Variants in UBE4B observed in about 807,000 individuals in gnomAD.
UBE4B encodes ubiquitination factor E4B.
In UBE4B, 27 loss-of-function variants were observed where a neutral mutation model predicts 148.1. The ratio of observed to expected loss-of-function variants is 0.18; its 90% CI spans 0.13 to 0.25. The LOEUF is 0.25. Ranked by LOEUF, UBE4B falls within the 10% of genes least tolerant of loss-of-function variation. The pLI is 1.00. For missense variants in UBE4B, 1,170 were observed against 1,662.4 expected (o/e 0.70, Z 5.15); for synonymous variants, 596 against 619.3 (o/e 0.96, Z 0.56).
At chr1:10,172,763 GGGAAGTGGTCTTAACAAAGGATTTGCAGT>G in intron 25 of UBE4B, among the ~76,000 whole-genome samples, 1 of 152,034 alleles carries the variant, frequency 6.6e-6, no homozygotes, top group East Asian at 1.9e-4. Context: ...GATGTAGCAG[GGGAAGTGGTCTTAACAAAGGATTTGCAGT>G]GAAAAAATAC....
At chr1:10,131,809 T>C (rs868814070) in intron 14 of UBE4B, among the ~76,000 whole-genome samples, 7 of 152,026 alleles carry the variant, frequency 4.6e-5, no homozygotes, top group Non-Finnish European at 5.9e-5. Flanking sequence ...AAAAATTAGC[T>C]GGGCATGGTG....
At chr1:10,117,059 G>A (rs1006754260) in intron 7 of UBE4B, among the ~76,000 whole-genome samples, 2 of 152,190 alleles carry the variant, frequency 1.3e-5, no homozygotes, top group Admixed American at 1.3e-4. Flanking sequence ...TATTTTGTCA[G>A]TCCCTTATAA....
intron 1 of UBE4B, among the ~76,000 whole-genome samples, chr1:10,038,186 AGGAGAATTGCTTGAACCC>A (rs1037937203): frequency 6.6e-6 from 1 of 151,900 alleles, no homozygotes; most frequent in Non-Finnish European, 1.5e-5. Context: ...AGGCTGAGGC[AGGAGAATTGCTTGAACCC>A]GGGAGGCGGA....
intron 25 of UBE4B, among the ~76,000 whole-genome samples, chr1:10,176,336 T>C (rs1378364344): frequency 6.6e-6 from 1 of 152,214 alleles, no homozygotes; most frequent in Non-Finnish European, 1.5e-5. Flanking sequence ...AACACCTGTT[T>C]TCAGTTACTT....
intron 2 of UBE4B, among the ~76,000 whole-genome samples, chr1:10,090,797 G>A (rs1033352835): frequency 7.3e-6 from 1 of 136,124 alleles, no homozygotes; most frequent in African/African-American, 3.5e-5. Context: ...ATGCATTTGT[G>A]TGTGTGTGTG....
chr1:10,140,946 A>T (rs61782922), intron 17 of UBE4B, among the ~76,000 whole-genome samples: 7,245 of 152,238 alleles, frequency 0.048, 452 homozygotes, highest in East Asian at 0.13. Flanking sequence ...GTTTGGGTCA[A>T]CTAGTTGGTT....
chr1:10,179,056 A>T, intron 26 of UBE4B: 1 of 491,142 alleles, frequency 2.0e-6, no homozygotes, highest in Non-Finnish European at 3.5e-6. Context: ...TTCTAAGGGC[A>T]GGGCTGCCTT....
chr1:10,109,252 A>G (rs184606440), intron 7 of UBE4B, among the ~76,000 whole-genome samples: 62 of 152,286 alleles, frequency 4.1e-4, no homozygotes, highest in Admixed American at 6.5e-4. Context: ...ATAGAAATGC[A>G]TTCAGACTTG....
intron 2 of UBE4B, among the ~76,000 whole-genome samples, chr1:10,079,163 C>G (rs900126537): frequency 4.6e-5 from 7 of 152,208 alleles, no homozygotes; most frequent in African/African-American, 1.4e-4. Context: ...CTTTGATTGG[C>G]TTCTCAAAAT....
At chr1:10,096,237 C>T (rs1644926462) in intron 3 of UBE4B, among the ~76,000 whole-genome samples, 1 of 152,036 alleles carries the variant, frequency 6.6e-6, no homozygotes, top group African/African-American at 2.4e-5. Context: ...TACAGGTAAG[C>T]CAAATAAATA....
At chr1:10,076,087 G>A (rs767983901) in intron 2 of UBE4B, among the ~76,000 whole-genome samples, 1 of 152,064 alleles carries the variant, frequency 6.6e-6, no homozygotes, top group Admixed American at 6.6e-5. Context: ...ATAGCTGTCC[G>A]TTAAAGAGTT....
intron 3 of UBE4B, among the ~76,000 whole-genome samples, chr1:10,096,779 G>A (rs933548788): frequency 2.0e-5 from 3 of 151,902 alleles, no homozygotes; most frequent in African/African-American, 7.3e-5. Flanking sequence ...GGTGGCTCAC[G>A]CCTGTAATCC....
chr1:10,153,490 T>TAAAAAAAAAAAAAA (rs1045427991), intron 21 of UBE4B, among the ~76,000 whole-genome samples: 2 of 49,200 alleles, frequency 4.1e-5, no homozygotes, highest in African/African-American at 1.7e-4. Context: ...ACCCTGTTTC[T>TAAAAAAAAAAAAAA]AAAAAAAAAA....
chr1:10,118,609 A>G (rs189269517), intron 8 of UBE4B, among the ~76,000 whole-genome samples: 1 of 151,830 alleles, frequency 6.6e-6, no homozygotes, highest in Non-Finnish European at 1.5e-5. Context: ...GGTTCAAGTG[A>G]TTCTCCTGCC....
intron 15 of UBE4B, among the ~76,000 whole-genome samples, chr1:10,132,879 C>G (rs1645618035): frequency 6.6e-6 from 1 of 152,168 alleles, no homozygotes; most frequent in Non-Finnish European, 1.5e-5. Context: ...AGCTTTGGTA[C>G]AAGCCCAGCA....
Position 10,072,070 on chromosome 1 carries a change from T to C in UBE4B, c.67T>C (p.Ser23Pro). The C allele has an allele frequency of 1.9e-6, 3 of 1,611,748 alleles. No individual in the cohort carries two copies. The highest frequency in any genetic ancestry group is 2.5e-6 in the Non-Finnish European group (3 of 1,179,178). ...TGCACGACTTGCTGGTGGACAGACC[T>C]CTCAGCCAACCACCCCACTCACCTC... Reference protein sequence around the residue: ...RLARLAGGQTSQPTTPLTSPQ... With the variant: ...RLARLAGGQTPQPTTPLTSPQ... The change falls in exon 2 of 28, where the codon TCT becomes CCT. Residue 23 changes from serine (S) to proline (P), a missense_variant. Ser to Pro is a moderately conservative substitution (Grantham distance 74). Transcript: ENST00000343090.
chr1:10,053,821 CTG>C (rs1432806997), intron 1 of UBE4B, among the ~76,000 whole-genome samples: 9 of 152,104 alleles, frequency 5.9e-5, no homozygotes, highest in African/African-American at 2.2e-4. Context: ...TTCTAAGTAT[CTG>C]TGACCACAGG....
intron 12 of UBE4B, 82 bp downstream of exon 12, chr1:10,129,530 G>T: frequency 7.1e-7 from 1 of 1,403,474 alleles, no homozygotes; most frequent in South Asian, 1.3e-5. Flanking sequence ...AGATGGCCTG[G>T]AAAATGTCTC....
chr1:10,049,588 A>C (rs1643988575), intron 1 of UBE4B, among the ~76,000 whole-genome samples: 2 of 151,968 alleles, frequency 1.3e-5, no homozygotes, highest in African/African-American at 4.8e-5. Context: ...CTAAAAAAAA[A>C]AAAAATTTTT....
Sources: allele counts gnomAD v4.1 joint callset (sites outside exome capture counted in the v4.1 genomes callset), GRCh38; gene constraint gnomAD v4.1.1; transcripts MANE v1.5; gene names NCBI Gene and HGNC (gene_info 2026-07-23, HGNC 2026-07-21).